Variants in ARHGAP28 observed in about 807,000 individuals in gnomAD.
ARHGAP28 encodes Rho GTPase activating protein 28.
Under a neutral mutation model 90.7 loss-of-function variants are expected in ARHGAP28, and 56 were observed. That is an observed-to-expected ratio of 0.62 (90% CI 0.50 to 0.77). The LOEUF (loss-of-function observed/expected upper bound fraction) is 0.77. ARHGAP28 is among the 30% of genes least tolerant of loss of function. The pLI is 0.00. For synonymous variants in ARHGAP28, 308 were observed against 323.3 expected (o/e 0.95, Z 0.51); for missense variants, 869 against 900.9 (o/e 0.96, Z 0.45).
intron 2 of ARHGAP28, among the ~76,000 whole-genome samples, chr18:6,828,208 A>G: frequency 6.6e-6 from 1 of 152,210 alleles, no homozygotes; most frequent in Non-Finnish European, 1.5e-5. Context: ...AAAACCAGTC[A>G]GGCGTGGCGG....
chr18:6,887,574 G>A (rs2143697094), intron 12 of ARHGAP28, among the ~76,000 whole-genome samples: 1 of 152,142 alleles, frequency 6.6e-6, no homozygotes, highest in East Asian at 1.9e-4. Flanking sequence ...GGGACTACAG[G>A]TATGTGCCAC....
In ARHGAP28 at chr18:6,841,196, TCTCTCTC is replaced by T. The variant is rs1165201849; in HGVS notation, c.543+3788_543+3794del. Among the ~76,000 whole-genome samples the T allele has an allele frequency of 2.1e-3, 135 of 63,854 alleles. 1 individual carries two copies. The highest frequency in any genetic ancestry group is 6.7e-3 in the South Asian group (9 of 1,344). The allele number at this position is 63,854 out of a possible 152,430, so 41.9% of individuals were successfully genotyped here. On this transcript the variant is annotated intron_variant, in intron 3 of 17. Coordinates refer to ENST00000383472, the MANE Select transcript of ARHGAP28 (RefSeq NM_001366230.1). ...TCTCTCTCTCCTCTCTCTCTCTCTCTCTCTCTCCTCTCCTCTCTCTCTCTCTCCCCCC... is the reference window on the plus strand; with the variant it reads ...TCTCTCTCTCCTCTCTCTCTCTCTCTCTCTCCTCTCTCTCTCTCTCCCCCC...
At chr18:6,864,970 C>A (rs1310082966) in intron 5 of ARHGAP28, among the ~76,000 whole-genome samples, 2 of 152,062 alleles carry the variant, frequency 1.3e-5, no homozygotes, top group South Asian at 2.1e-4. Context: ...TTTCCCATAT[C>A]CCCCCATTCC....
At chr18:6,786,326 C>T (rs879904685) in intron 1 of ARHGAP28, among the ~76,000 whole-genome samples, 2 of 151,822 alleles carry the variant, frequency 1.3e-5, no homozygotes, top group Non-Finnish European at 2.9e-5. Context: ...GTCATATATA[C>T]TTAAAGAAAA....
intron 12 of ARHGAP28, among the ~76,000 whole-genome samples, chr18:6,888,473 T>C (rs2057239054): frequency 6.6e-6 from 1 of 152,150 alleles, no homozygotes; most frequent in Non-Finnish European, 1.5e-5. Flanking sequence ...ACAGCGAAAA[T>C]ATCTATGTCA....
chr18:6,833,284 C>T (rs913326137), intron 2 of ARHGAP28, among the ~76,000 whole-genome samples: 3 of 151,896 alleles, frequency 2.0e-5, no homozygotes, highest in Admixed American at 6.6e-5. Context: ...TCACAACATA[C>T]TATTAAAATT....
At chr18:6,784,174 T>C (rs1436889673) in intron 1 of ARHGAP28, among the ~76,000 whole-genome samples, 4 of 152,136 alleles carry the variant, frequency 2.6e-5, no homozygotes, top group Admixed American at 1.3e-4. Flanking sequence ...CCCTTCAGCA[T>C]AGGTCTCTGG....
chr18:6,895,911 C>CA (rs1400031895), intron 15 of ARHGAP28, among the ~76,000 whole-genome samples: 2 of 152,242 alleles, frequency 1.3e-5, no homozygotes, highest in East Asian at 3.9e-4. Context: ...AAATCGTGTA[C>CA]ATCACCATCC....
intron 1 of ARHGAP28, among the ~76,000 whole-genome samples, chr18:6,821,852 A>G (rs1032450839): frequency 1.3e-5 from 2 of 152,210 alleles, no homozygotes; most frequent in Admixed American, 6.5e-5. Flanking sequence ...ATAAGAAACT[A>G]TGTACCATAA....
intron 4 of ARHGAP28, among the ~76,000 whole-genome samples, chr18:6,854,548 T>G (rs2056936970): frequency 6.6e-6 from 1 of 152,196 alleles, no homozygotes; most frequent in Non-Finnish European, 1.5e-5. Context: ...ATTGGATGCT[T>G]TGCTTCAATT....
chr18:6,756,630 A>T (rs560570583), intron 1 of ARHGAP28, among the ~76,000 whole-genome samples: 1 of 152,208 alleles, frequency 6.6e-6, no homozygotes, highest in African/African-American at 2.4e-5. Context: ...GAGTTTATTA[A>T]GGAGAATTGA....
At chr18:6,796,208 A>G (rs2056440612) in intron 1 of ARHGAP28, among the ~76,000 whole-genome samples, 1 of 152,246 alleles carries the variant, frequency 6.6e-6, no homozygotes, top group Non-Finnish European at 1.5e-5. Flanking sequence ...GAAGTTGTCA[A>G]TAAATGGTAG....
intron 1 of ARHGAP28, among the ~76,000 whole-genome samples, chr18:6,757,355 T>TA (rs1350974904): frequency 2.0e-5 from 3 of 151,810 alleles, no homozygotes; most frequent in Non-Finnish European, 4.4e-5. Context: ...ACAAATGAAA[T>TA]AAAGCAAAAG....
At chr18:6,843,193 C>T (rs571626028) in intron 3 of ARHGAP28, among the ~76,000 whole-genome samples, 1 of 152,124 alleles carries the variant, frequency 6.6e-6, no homozygotes, top group Admixed American at 6.5e-5. Context: ...TTTTAGAAGG[C>T]TCCAAGTGAA....
intron 9 of ARHGAP28, among the ~76,000 whole-genome samples, 156 bp downstream of exon 9, chr18:6,873,931 C>T (rs776587810): frequency 3.9e-5 from 6 of 152,156 alleles, no homozygotes; most frequent in Non-Finnish European, 7.3e-5. Context: ...TTCCATGCAC[C>T]GCATAACGGC....
At chr18:6,811,215 A>G (rs555566756) in intron 1 of ARHGAP28, among the ~76,000 whole-genome samples, 2 of 152,278 alleles carry the variant, frequency 1.3e-5, no homozygotes, top group African/African-American at 4.8e-5. Context: ...AACTGGGGTC[A>G]CCCTTGCCAA....
At chr18:6,909,866 A>G (rs776463154) in intron 17 of ARHGAP28, among the ~76,000 whole-genome samples, 2 of 151,136 alleles carry the variant, frequency 1.3e-5, no homozygotes, top group Non-Finnish European at 3.0e-5. Flanking sequence ...AGCACCCTCC[A>G]CTCTCCCACA....
intron 1 of ARHGAP28, among the ~76,000 whole-genome samples, chr18:6,820,427 T>G (rs191752239): frequency 3.9e-5 from 6 of 152,144 alleles, no homozygotes; most frequent in Admixed American, 2.0e-4. Flanking sequence ...TGGGGCAACA[T>G]CAAACAGCCT....
At chr18:6,730,029 A>C in intron 1 of ARHGAP28, 86 bp downstream of exon 1, 1 of 1,226,588 alleles carries the variant, frequency 8.2e-7, no homozygotes, top group Non-Finnish European at 1.0e-6. Flanking sequence ...GCCTGAGCGC[A>C]CGACCGCCGT....
Sources: allele counts gnomAD v4.1 joint callset (sites outside exome capture counted in the v4.1 genomes callset), GRCh38; gene constraint gnomAD v4.1.1; transcripts MANE v1.5; gene names NCBI Gene and HGNC (gene_info 2026-07-23, HGNC 2026-07-21).